The following DLG2 variants were observed in gnomAD, a reference collection of about 807,000 sequenced individuals.
DLG2 encodes disks large homolog 2.
Under a neutral mutation model 132.5 loss-of-function variants are expected in DLG2, and 45 were observed. The ratio of observed to expected loss-of-function variants is 0.34; its 90% CI spans 0.27 to 0.44. The LOEUF (loss-of-function observed/expected upper bound fraction) is 0.44, where lower values mean the gene tolerates loss of function less well. Among genes scored for constraint, DLG2 ranks in the 20% least tolerant of loss-of-function variants. The probability of loss-of-function intolerance (pLI) is 1.00; values close to 1 mark genes in which losing one functional copy is unlikely to be tolerated. For missense variants in DLG2, 1,045 were observed against 1,196.9 expected, an observed-to-expected ratio of 0.87 and a Z score of 1.87; for synonymous variants, 424 against 419.6, an observed-to-expected ratio of 1.01 and a Z score of -0.13.
At position 84,574,926 on chromosome 11, in the gene DLG2, G is replaced by A. The variant is rs541696033; in HGVS notation, c.358-40195C>T. Among the ~76,000 whole-genome samples, 21 of 152,156 alleles carry A rather than the reference G, an allele frequency of 1.4e-4. No homozygotes were observed. The South Asian group carries it at 4.1e-3, about 30-fold the overall frequency. On this transcript the variant is annotated intron_variant, in intron 6 of 27. Transcript: ENST00000376104. ...CATCTACCCAGCCAACTGGGTAGAT[G>A]CAAGTTTATCCAACTACACCCTGTC...
intron 4 of DLG2, among the ~76,000 whole-genome samples, chr11:85,191,164 A>ACGCG (rs1411375137): frequency 2.2e-5 from 2 of 91,120 alleles, no homozygotes; most frequent in African/African-American, 8.8e-5. Context: ...GCACGCGCGC[A>ACGCG]CACACACACA....
intron 4 of DLG2, among the ~76,000 whole-genome samples, chr11:85,201,048 G>A (rs1326197681): frequency 6.6e-6 from 1 of 151,772 alleles, no homozygotes; most frequent in Non-Finnish European, 1.5e-5. Context: ...TCCCAGTGTA[G>A]CCCAGTCTCA....
chr11:85,509,294 C>T (rs116482868), intron 3 of DLG2, among the ~76,000 whole-genome samples: 174 of 152,034 alleles, frequency 1.1e-3, no homozygotes, highest in African/African-American at 4.0e-3. Flanking sequence ...TAAAATAAAC[C>T]AAAAGCTTAA....
chr11:83,789,527 C>T (rs2040927455), intron 17 of DLG2, among the ~76,000 whole-genome samples: 1 of 143,400 alleles, frequency 7.0e-6, no homozygotes, highest in Non-Finnish European at 1.5e-5. Context: ...CTGACACTTC[C>T]CCACCCCTAA....
At chr11:84,212,918 A>G (rs1231383124) in intron 8 of DLG2, among the ~76,000 whole-genome samples, 1 of 152,220 alleles carries the variant, frequency 6.6e-6, no homozygotes, top group Admixed American at 6.5e-5. Flanking sequence ...TCAGCTCCCT[A>G]AAGTACTGGG....
chr11:84,922,043 G>A (rs2154084274), intron 6 of DLG2, among the ~76,000 whole-genome samples: 1 of 152,044 alleles, frequency 6.6e-6, no homozygotes, highest in Non-Finnish European at 1.5e-5. Context: ...AAAACAGAAA[G>A]GCTTACAAAA....
At chr11:83,566,246 T>C (rs2096707380) in intron 19 of DLG2, among the ~76,000 whole-genome samples, 1 of 152,220 alleles carries the variant, frequency 6.6e-6, no homozygotes, top group Non-Finnish European at 1.5e-5. Flanking sequence ...TGATAGATAC[T>C]GGACATAGAG....
chr11:85,595,915 C>T (rs980362420), intron 3 of DLG2, among the ~76,000 whole-genome samples: 1 of 151,974 alleles, frequency 6.6e-6, no homozygotes, highest in Admixed American at 6.6e-5. Flanking sequence ...TTTTTTTAAG[C>T]ATATGATGAA....
chr11:84,968,379 T>C (rs1473039324), intron 6 of DLG2, among the ~76,000 whole-genome samples: 1 of 152,216 alleles, frequency 6.6e-6, no homozygotes, highest in Non-Finnish European at 1.5e-5. Context: ...TTCTTAACTT[T>C]TGGGGAGTCA....
At chr11:84,125,315 T>G (rs1055651809) in intron 9 of DLG2, among the ~76,000 whole-genome samples, 7 of 152,192 alleles carry the variant, frequency 4.6e-5, no homozygotes, top group African/African-American at 1.7e-4. Flanking sequence ...CACAAGTTTT[T>G]GGTTACCCAT....
chr11:85,529,334 T>A (rs1171806049), intron 3 of DLG2, among the ~76,000 whole-genome samples: 1 of 152,184 alleles, frequency 6.6e-6, no homozygotes, highest in Non-Finnish European at 1.5e-5. Flanking sequence ...TACTGAGATT[T>A]CAGAAATTAT....
At chr11:83,540,491 C>T (rs546664990) in intron 20 of DLG2, among the ~76,000 whole-genome samples, 1 of 152,144 alleles carries the variant, frequency 6.6e-6, no homozygotes, top group Non-Finnish European at 1.5e-5. Context: ...TTCACTGTGA[C>T]TCCTCCTGGC....
At chr11:84,128,360 T>C (rs964147742) in intron 9 of DLG2, among the ~76,000 whole-genome samples, 25 of 152,174 alleles carry the variant, frequency 1.6e-4, no homozygotes, top group African/African-American at 5.5e-4. Context: ...ATTTTGTTAA[T>C]TTGCTGCATT....
chr11:84,435,266 A>C (rs901110146), intron 7 of DLG2, among the ~76,000 whole-genome samples: 1 of 152,206 alleles, frequency 6.6e-6, no homozygotes, highest in African/African-American at 2.4e-5. Context: ...ACCCTTAGAA[A>C]AAAATTAATT....
chr11:84,926,573 T>G (rs979862286), intron 6 of DLG2, among the ~76,000 whole-genome samples: 1 of 151,978 alleles, frequency 6.6e-6, no homozygotes, highest in African/African-American at 2.4e-5. Context: ...TACATACACT[T>G]GTAGGGAGAG....
At chr11:84,645,163 G>A (rs1307072268) in intron 6 of DLG2, among the ~76,000 whole-genome samples, 1 of 152,182 alleles carries the variant, frequency 6.6e-6, no homozygotes, top group African/African-American at 2.4e-5. Context: ...AAGGGAGACA[G>A]GCTTTGTTCA....
chr11:85,533,017 T>A (rs2075317749), intron 3 of DLG2, among the ~76,000 whole-genome samples: 1 of 152,094 alleles, frequency 6.6e-6, no homozygotes, highest in Non-Finnish European at 1.5e-5. Flanking sequence ...TTTGTTGTTG[T>A]TGTTGTTGTT....
intron 8 of DLG2, among the ~76,000 whole-genome samples, chr11:84,250,625 G>A (rs752290022): frequency 5.3e-5 from 8 of 152,082 alleles, no homozygotes; most frequent in African/African-American, 1.2e-4. Context: ...GCCTATAGCT[G>A]GTCTCCAATC....
intron 11 of DLG2, among the ~76,000 whole-genome samples, chr11:84,041,909 A>G (rs2096094002): frequency 6.6e-6 from 1 of 151,832 alleles, no homozygotes; most frequent in South Asian, 2.1e-4. Context: ...GAGTCTCATG[A>G]GATCTGATGG....
Sources: allele counts gnomAD v4.1 joint callset (sites outside exome capture counted in the v4.1 genomes callset), GRCh38; gene constraint gnomAD v4.1.1; transcripts MANE v1.5; gene names NCBI Gene and HGNC (gene_info 2026-07-23, HGNC 2026-07-21).